The following LRRIQ1 variants were observed in gnomAD, a reference collection of about 807,000 sequenced individuals.
LRRIQ1 encodes the protein leucine-rich repeat- and IQ domain-containing protein 1.
A neutral mutation model predicts 211.9 loss-of-function variants in LRRIQ1; 210 were observed. The ratio of observed to expected loss-of-function variants is 0.99; its 90% CI spans 0.89 to 1.11. The LOEUF is 1.11. Among genes scored for constraint, LRRIQ1 ranks in the 50% most tolerant of loss-of-function variants. LRRIQ1 has a pLI of 0.00. For synonymous variants in LRRIQ1, 699 were observed against 650.1 expected, an observed-to-expected ratio of 1.08 and a Z score of -1.14; for missense variants, 2,136 against 1,939.5, an observed-to-expected ratio of 1.10 and a Z score of -1.90.
intron 13 of LRRIQ1, among the ~76,000 whole-genome samples, chr12:85,100,547 A>G (rs996187067): frequency 6.6e-6 from 1 of 151,786 alleles, no homozygotes; most frequent in Non-Finnish European, 1.5e-5. Flanking sequence ...TCTTACACCC[A>G]CAGAGCATTT....
chr12:85,252,151 T>C (rs1895963601), intron 1 of LRRIQ1, among the ~76,000 whole-genome samples: 6 of 151,614 alleles, frequency 4.0e-5, no homozygotes, highest in Admixed American at 3.3e-4. Flanking sequence ...AATTTTAGAA[T>C]GCTAAAACTC....
At chr12:85,165,193 T>C (rs187853995) in intron 24 of LRRIQ1, among the ~76,000 whole-genome samples, 104 of 152,218 alleles carry the variant, frequency 6.8e-4, no homozygotes, top group Non-Finnish European at 1.4e-3. Context: ...TTTTGTTAAA[T>C]TGTGTATGAT....
chr12:85,160,621 G>A lies in LRRIQ1; in HGVS notation c.4729G>A (p.Val1577Met), dbSNP rs1363465646. Reference protein sequence around the residue: ...KKLKKKIDSTVRLALFKNNEN... With the variant: ...KKLKKKIDSTMRLALFKNNEN... ...TTATTCGTTTTGTTTAGATTCCACT[G>A]TGCGTCTAGCCTTATTCAAAAACAA... The change falls in exon 24 of 27, where the codon GTG becomes ATG. Residue 1577 changes from valine to methionine, a missense_variant. Transcript: ENST00000393217. 1.3e-6 allele frequency: 2 copies of A among 1,599,514 alleles called. No homozygotes were observed. Among genetic ancestry groups the A allele is most frequent in the South Asian group, 2.2e-5 (2 of 90,424 alleles).
chr12:85,213,870 T>C (rs1014622974), intron 24 of LRRIQ1, among the ~76,000 whole-genome samples: 12 of 151,854 alleles, frequency 7.9e-5, no homozygotes, highest in African/African-American at 2.4e-4. Context: ...GACTAGTAAA[T>C]GTGATGCAAC....
At chr12:85,268,523 A>G (rs1202650158), downstream of LRRIQ1, among the ~76,000 whole-genome samples, 2 of 152,114 alleles carry the variant, frequency 1.3e-5, no homozygotes, top group African/African-American at 2.4e-5. Context: ...ATAATTTAAT[A>G]TATACCTTTT....
chr12:85,236,067 A>G (rs902644993), intron 26 of LRRIQ1, among the ~76,000 whole-genome samples: 5 of 152,162 alleles, frequency 3.3e-5, no homozygotes, highest in South Asian at 2.1e-4. Flanking sequence ...ACTAAATGGC[A>G]TTGAAAAAGT....
intron 15 of LRRIQ1, among the ~76,000 whole-genome samples, chr12:85,109,279 GT>G (rs768775501): frequency 6.6e-6 from 1 of 152,054 alleles, no homozygotes; most frequent in Non-Finnish European, 1.5e-5. Context: ...TCCTGGATTT[GT>G]TACTTGGTCT....
intron 13 of LRRIQ1, among the ~76,000 whole-genome samples, chr12:85,101,651 A>G (rs1886352340): frequency 6.6e-6 from 1 of 151,842 alleles, no homozygotes; most frequent in African/African-American, 2.4e-5. Flanking sequence ...AAAAAGGATT[A>G]TACTATTAAG....
chr12:85,102,217 T>C (rs999808635), intron 13 of LRRIQ1, among the ~76,000 whole-genome samples: 5 of 151,514 alleles, frequency 3.3e-5, no homozygotes, highest in Non-Finnish European at 7.4e-5. Context: ...CCACTAATTA[T>C]GTAAAGGTAA....
At chr12:85,138,836 C>T (rs770186778) in intron 19 of LRRIQ1, among the ~76,000 whole-genome samples, 1 of 151,516 alleles carries the variant, frequency 6.6e-6, no homozygotes, top group Non-Finnish European at 1.5e-5. Context: ...ATATGACCAT[C>T]ATTTTTCCAA....
chr12:85,152,119 T>C (rs1890284364), intron 19 of LRRIQ1, among the ~76,000 whole-genome samples, 161 bp from the exon 20 acceptor site: 1 of 151,768 alleles, frequency 6.6e-6, no homozygotes, highest in Non-Finnish European at 1.5e-5. Context: ...ATGTTTTCAT[T>C]AAACAGATGA....
At chr12:85,272,286 T>G in the LRRIQ1 span, among the ~76,000 whole-genome samples, 6 of 152,206 alleles carry the variant, frequency 3.9e-5, no homozygotes, top group African/African-American at 1.4e-4. Flanking sequence ...TAAAAAAGAA[T>G]GCAAGATTAA....
chr12:85,203,925 C>T (rs1000378033), intron 24 of LRRIQ1, among the ~76,000 whole-genome samples: 8 of 152,136 alleles, frequency 5.3e-5, no homozygotes, highest in Non-Finnish European at 1.0e-4. Context: ...CAAATGTTAA[C>T]CCCCAAGACA....
chr12:85,217,723 T>G (rs1210171390), intron 24 of LRRIQ1, among the ~76,000 whole-genome samples: 1 of 112,410 alleles, frequency 8.9e-6, no homozygotes, highest in Non-Finnish European at 1.6e-5. Flanking sequence ...TATATATGTA[T>G]ATATGTGTAT....
At chr12:85,106,047 C>T (rs977356723) in intron 14 of LRRIQ1, among the ~76,000 whole-genome samples, 8 of 152,188 alleles carry the variant, frequency 5.3e-5, no homozygotes, top group South Asian at 4.1e-4. Flanking sequence ...CTGCCCGCCT[C>T]GGCCTCCCAA....
intron 24 of LRRIQ1, among the ~76,000 whole-genome samples, chr12:85,219,799 G>A (rs1246175079): frequency 6.6e-6 from 1 of 151,992 alleles, no homozygotes; most frequent in Non-Finnish European, 1.5e-5. Flanking sequence ...TAAAGAATAG[G>A]GATGTTGCTT....
chr12:85,105,985 G>T (rs1228379795), intron 14 of LRRIQ1, among the ~76,000 whole-genome samples: 2 of 151,662 alleles, frequency 1.3e-5, no homozygotes, highest in African/African-American at 2.4e-5. Flanking sequence ...TAGTAGAGAT[G>T]GGATTTCTCC....
chr12:85,101,150 TG>T (rs1886315575), intron 13 of LRRIQ1, among the ~76,000 whole-genome samples: 1 of 151,812 alleles, frequency 6.6e-6, no homozygotes, highest in Non-Finnish European at 1.5e-5. Flanking sequence ...GTGTTTGGTA[TG>T]GATTTTAAAT....
At chr12:85,208,570 T>A (rs531576563) in intron 24 of LRRIQ1, among the ~76,000 whole-genome samples, 5 of 152,270 alleles carry the variant, frequency 3.3e-5, no homozygotes, top group African/African-American at 1.2e-4. Flanking sequence ...ATGAAATAAG[T>A]ATCTTTAGTT....
Sources: allele counts gnomAD v4.1 joint callset (sites outside exome capture counted in the v4.1 genomes callset), GRCh38; gene constraint gnomAD v4.1.1; transcripts MANE v1.5; gene names NCBI Gene and HGNC (gene_info 2026-07-23, HGNC 2026-07-21).